BLM: variants seen among roughly 807,000 people sequenced by gnomAD.
BLM encodes the protein recQ-like DNA helicase BLM.
Under a neutral mutation model 135.3 loss-of-function variants are expected in BLM, and 95 were observed. That is an observed-to-expected ratio of 0.70 (90% confidence interval 0.59 to 0.83). The LOEUF (loss-of-function observed/expected upper bound fraction) is 0.83. Among genes scored for constraint, BLM ranks in the 40% least tolerant of loss-of-function variants. The pLI is 0.00. For missense variants in BLM, 1,518 were observed against 1,663.9 expected, an observed-to-expected ratio of 0.91 and a Z score of 1.53; for synonymous variants, 520 against 589.2, an observed-to-expected ratio of 0.88 and a Z score of 1.70.
In BLM at chr15:90,751,895, CT is replaced by C; in HGVS notation, c.910del (p.Ser304LeufsTer19). Reference sequence around the variant, plus strand: ...GATTATGATACGGATTTTGTTCCACCTTCTCCAGAAGAAATTATTTCTGCTT... The same window carrying C: ...GATTATGATACGGATTTTGTTCCACCTCTCCAGAAGAAATTATTTCTGCTT... ...DDDYDTDFVP[P>X]SPEEIISASS... On this transcript the variant is annotated frameshift_variant, in exon 4 of 22. Transcript: ENST00000355112. LOFTEE classifies it high-confidence loss of function. 1.2e-6 allele frequency: 2 copies of C among 1,613,180 alleles called. No individual in the cohort carries two copies. The highest frequency in any genetic ancestry group is 2.2e-5 in the South Asian group (2 of 91,054).
At chr15:90,813,266 CTTTTGTTTGTAAGAG>C (rs1897468121) in intron 21 of BLM, among the ~76,000 whole-genome samples, 1 of 152,166 alleles carries the variant, frequency 6.6e-6, no homozygotes, top group South Asian at 2.1e-4. Flanking sequence ...ATTTTCACAA[CTTTTGTTTGTAAGAG>C]TGAAGCACTT....
At chr15:90,746,097 A>G (rs1165415432) in intron 1 of BLM, among the ~76,000 whole-genome samples, 1 of 152,164 alleles carries the variant, frequency 6.6e-6, no homozygotes, top group Non-Finnish European at 1.5e-5. Flanking sequence ...ACAAACAAAC[A>G]AAAAGTATTC....
At chr15:90,769,368 G>T in intron 11 of BLM, 70 bp from the exon 12 acceptor site, 1 of 1,586,326 alleles carries the variant, frequency 6.3e-7, no homozygotes, top group South Asian at 1.1e-5. Context: ...TTAATACATT[G>T]AGCAGTGTTG....
rs12442356 is a variant in BLM, at chr15:90,763,393, C to G, written c.2074+236C>G. ...TCGAAGCTCATTGTGTTGAACTGAT[C>G]TAGAATTTTTCTTTGGGAATTTTTC... On this transcript the variant is annotated intron_variant, in intron 8 of 21. Coordinates refer to ENST00000355112, the MANE Select transcript of BLM (RefSeq NM_000057.4). Among the ~76,000 whole-genome samples, 722 of 152,276 alleles carry G rather than the reference C, an allele frequency of 4.7e-3. 12 individuals carry two copies. Among genetic ancestry groups the G allele is most frequent in the East Asian group, 0.029 (151 of 5,192 alleles).
At chr15:90,728,983 C>T (rs964481387) in intron 1 of BLM, among the ~76,000 whole-genome samples, 27 of 151,858 alleles carry the variant, frequency 1.8e-4, no homozygotes, top group South Asian at 6.2e-4. Flanking sequence ...AATTCGAGAC[C>T]AGTCTGGGCA....
chr15:90,811,467 C>T, intron 21 of BLM, 61 bp downstream of exon 21: 3 of 1,526,424 alleles, frequency 2.0e-6, no homozygotes, highest in Non-Finnish European at 2.7e-6. Flanking sequence ...AAAAGTGCAA[C>T]AGCTCTGCCT....
chr15:90,756,920 T>C (rs191096351), intron 5 of BLM, among the ~76,000 whole-genome samples: 3 of 152,350 alleles, frequency 2.0e-5, no homozygotes, highest in Admixed American at 2.0e-4. Flanking sequence ...TTCAGTTTTT[T>C]CTTCTATAAA....
intron 20 of BLM, among the ~76,000 whole-genome samples, chr15:90,809,668 A>G (rs1897362359): frequency 6.6e-6 from 1 of 152,254 alleles, no homozygotes; most frequent in South Asian, 2.1e-4. Flanking sequence ...GTCTAAAGAT[A>G]AAATTTAAGA....
At chr15:90,738,603 A>AC (rs1895282976) in intron 1 of BLM, among the ~76,000 whole-genome samples, 3 of 151,126 alleles carry the variant, frequency 2.0e-5, no homozygotes, top group South Asian at 2.1e-4. Flanking sequence ...ACAAAACAAA[A>AC]ACTCATACAG....
chr15:90,798,061 C>A, intron 16 of BLM, 129 bp from the exon 17 acceptor site: 1 of 700,144 alleles, frequency 1.4e-6, no homozygotes, highest in South Asian at 2.1e-5. Flanking sequence ...TTGAAATTTC[C>A]GTAGGTTTTG....
At chr15:90,761,840 C>T (rs1211976999) in intron 7 of BLM, among the ~76,000 whole-genome samples, 1 of 152,152 alleles carries the variant, frequency 6.6e-6, no homozygotes, top group East Asian at 1.9e-4. Flanking sequence ...AGTTCCTGCC[C>T]TCCTGGAGCT....
chr15:90,768,359 T>C (rs971491901), intron 10 of BLM, among the ~76,000 whole-genome samples: 1 of 152,250 alleles, frequency 6.6e-6, no homozygotes, highest in East Asian at 1.9e-4. Context: ...GAGACATCTC[T>C]CTCAAGCTGG....
chr15:90,749,863 T>C lies in BLM; in HGVS notation c.595T>C (p.Tyr199His). 5 of 1,605,960 alleles carry C rather than the reference T, an allele frequency of 3.1e-6. No homozygotes were observed. The highest frequency in any genetic ancestry group is 4.3e-6 in the Non-Finnish European group (5 of 1,175,706). The change falls in exon 3 of 22, where the codon TAT (tyrosine) becomes CAT (histidine). Residue 199 changes from tyrosine (Y) to histidine (H), a missense_variant. By Grantham distance (83) the Tyr-to-His change is moderately conservative. This residue lies in a region of BLM where 724 missense variants were observed against 756.9 expected (regional missense o/e 0.96). Coordinates refer to ENST00000355112, the MANE Select transcript of BLM (RefSeq NM_000057.4). The stretch of plus-strand genomic sequence containing the variant: ...GAGAAACTTTTTTAAAGCACAGCTT[T>C]ATACAACAAACACAGTAAAGACTGA... ...GKRNFFKAQL[Y>H]TTNTVKTDLP...
intron 1 of BLM, among the ~76,000 whole-genome samples, chr15:90,722,918 G>A (rs1399887020): frequency 6.6e-6 from 1 of 152,118 alleles, no homozygotes; most frequent in African/African-American, 2.4e-5. Context: ...TCGGCTCACT[G>A]CAACCTCTGC....
intron 2 of BLM, among the ~76,000 whole-genome samples, chr15:90,749,094 G>A (rs1895590705): frequency 6.6e-6 from 1 of 152,100 alleles, no homozygotes; most frequent in African/African-American, 2.4e-5. Flanking sequence ...ACCCCGCTCT[G>A]GAGATGCTAT....
chr15:90,747,403 T>C lies in BLM; in HGVS notation c.11T>C (p.Val4Ala), dbSNP rs144706057. MAAVPQNNLQEQLE... is the reference protein window; with the variant it reads MAAAPQNNLQEQLE... ...TCACTTTTTAGGATTATGGCTGCTG[T>C]TCCTCAAAATAATCTACAGGAGCAA... is the stretch of plus-strand genomic sequence containing the variant. Residue 4 changes from valine (V) to alanine (A), a missense_variant, in exon 2 of 22, where the codon GTT becomes GCT. Coordinates refer to ENST00000355112, the MANE Select transcript of BLM (RefSeq NM_000057.4). 2,495 of 1,609,200 alleles carry C rather than the reference T, an allele frequency of 1.6e-3. 3 individuals carry two copies. Among genetic ancestry groups the C allele is most frequent in the Non-Finnish European group, 2.0e-3 (2,359 of 1,176,970 alleles).
intron 1 of BLM, 24 bp from the exon 2 acceptor site, chr15:90,747,365 A>G: frequency 6.4e-7 from 1 of 1,557,706 alleles, no homozygotes; most frequent in South Asian, 1.1e-5. Flanking sequence ...AACTCCACTG[A>G]TTTCTTTTTC....
At chr15:90,759,932 G>GA in intron 5 of BLM, 1 of 305,502 alleles carries the variant, frequency 3.3e-6, no homozygotes, top group Non-Finnish European at 6.0e-6. Flanking sequence ...AAAAAAAAAA[G>GA]AAAAAGAAAT....
Position 90,722,917 on chromosome 15 carries a change from T to C in BLM, c.-5+5477T>C, listed in dbSNP as rs1474867138. Reference sequence around the variant, plus strand: ...GTGCAGTGGCGCGATCTCGGCTCACTGCAACCTCTGCTTCCTGGGTTCAAG... The same window carrying C: ...GTGCAGTGGCGCGATCTCGGCTCACCGCAACCTCTGCTTCCTGGGTTCAAG... On this transcript the variant is annotated intron_variant, in intron 1 of 21. Coordinates refer to ENST00000355112, the MANE Select transcript of BLM (RefSeq NM_000057.4). Among the ~76,000 whole-genome samples the C allele has an allele frequency of 2.0e-5, 3 of 152,188 alleles. No individual in the cohort carries two copies. The East Asian group carries it at 5.8e-4, about 29-fold the overall frequency.
Sources: gnomAD v4.1 joint callset for allele counts (sites outside exome capture counted in the v4.1 genomes callset) on GRCh38, gnomAD v4.1.1 for gene constraint, gnomAD v4.1.1 regional missense constraint, MANE v1.5 for transcripts, NCBI Gene and HGNC (gene_info 2026-07-23, HGNC 2026-07-21) for gene names.